Variants in CYTH3 observed in about 807,000 individuals in gnomAD.
CYTH3 encodes the protein cytohesin 3, also known as cytohesin-3.
Under a neutral mutation model 55.1 loss-of-function variants are expected in CYTH3, and 23 were observed. The observed-to-expected ratio is 0.42, with a 90% CI of 0.30 to 0.59. The LOEUF (loss-of-function observed/expected upper bound fraction) is 0.59. Ranked by LOEUF, CYTH3 falls within the 20% of genes least tolerant of loss-of-function variation. The pLI is 0.20. For missense variants in CYTH3, 413 were observed against 524.8 expected (o/e 0.79, Z 2.08); for synonymous variants, 249 against 194.9 (o/e 1.28, Z -2.31).
chr7:6,251,106 C>A (rs1779949866), intron 1 of CYTH3, among the ~76,000 whole-genome samples: 1 of 152,160 alleles, frequency 6.6e-6, no homozygotes, highest in African/African-American at 2.4e-5. Flanking sequence ...AAAACCCCAT[C>A]TCCACTAAAA....
At chr7:6,166,828 C>A (rs944360660) in intron 9 of CYTH3, among the ~76,000 whole-genome samples, 16 of 152,262 alleles carry the variant, frequency 1.1e-4, no homozygotes, top group Non-Finnish European at 1.5e-4. Flanking sequence ...GCCTGCAATG[C>A]GGTTGCCACC....
At position 6,221,704 on chromosome 7, in the gene CYTH3, T is replaced by TAA. The variant is rs11407292; in HGVS notation, c.35-31175_35-31174dup. Among the ~76,000 whole-genome samples the TAA allele has an allele frequency of 6.6e-3, 995 of 151,526 alleles. 9 individuals are homozygous for TAA. Among genetic ancestry groups the TAA allele is most frequent in the African/African-American group, 0.023 (937 of 41,286 alleles). On this transcript the variant is annotated intron_variant, in intron 1 of 12. Transcript: ENST00000350796. Reference sequence around the variant, plus strand: ...TCTACAAATTAGTTCAAAATGAAGTTAAAAAAAAATTAGGCCAGGCATGGT... The same window carrying TAA: ...TCTACAAATTAGTTCAAAATGAAGTTAAAAAAAAAAATTAGGCCAGGCATGGT...
At chr7:6,231,677 A>C (rs1206714059) in intron 1 of CYTH3, among the ~76,000 whole-genome samples, 3 of 152,238 alleles carry the variant, frequency 2.0e-5, no homozygotes, top group Non-Finnish European at 2.9e-5. Flanking sequence ...GCATTCTCTC[A>C]ATGCTGATTG....
At chr7:6,181,873 T>C (rs1481979470) in intron 4 of CYTH3, among the ~76,000 whole-genome samples, 1 of 152,210 alleles carries the variant, frequency 6.6e-6, no homozygotes, top group Non-Finnish European at 1.5e-5. Context: ...GCTCAAGTGA[T>C]GATGTGACAC....
chr7:6,233,060 C>T (rs1012028164), intron 1 of CYTH3, among the ~76,000 whole-genome samples: 35 of 152,114 alleles, frequency 2.3e-4, no homozygotes, highest in African/African-American at 8.4e-4. Context: ...CCTCTTTCTT[C>T]CCAAGCTCCT....
At chr7:6,188,657 G>T (rs1444342695) in intron 2 of CYTH3, 1 of 152,208 alleles carries the variant, frequency 6.6e-6, no homozygotes, top group African/African-American at 2.4e-5. Context: ...TGCATCCAAG[G>T]GGACAGACCC....
Position 6,170,886 on chromosome 7 carries a change from T to C in CYTH3, c.655A>G (p.Ile219Val). Residue 219 changes from isoleucine (I) to valine (V), a missense_variant, in exon 8 of 13, where the codon ATC (isoleucine) becomes GTC (valine). Ile to Val is a conservative substitution (Grantham distance 29). Around this residue, in one of 4 missense-constraint regions of CYTH3, gnomAD observed 156 missense variants for 233.1 expected, o/e 0.67. Coordinates refer to ENST00000350796, the MANE Select transcript of CYTH3 (RefSeq NM_004227.4). The surrounding 1 kb of genome is among the most constrained non-coding windows in gnomAD (Gnocchi z 7.8). ...TCGTTGATGCCGCGGTTCATGGCGATGAACCGTTCTGCCGTGGGCTTGTCA... is the reference window on the plus strand; with the variant it reads ...TCGTTGATGCCGCGGTTCATGGCGACGAACCGTTCTGCCGTGGGCTTGTCA... Reference protein sequence around the residue: ...VRDKPTAERFIAMNRGINEGG... With the variant: ...VRDKPTAERFVAMNRGINEGG... 1 of 1,613,868 alleles carries C rather than the reference T, an allele frequency of 6.2e-7. No homozygotes were observed. The highest frequency in any genetic ancestry group is 8.5e-7 in the Non-Finnish European group (1 of 1,179,870).
intron 1 of CYTH3, among the ~76,000 whole-genome samples, chr7:6,199,103 A>G (rs1784003365): frequency 6.6e-6 from 1 of 152,256 alleles, no homozygotes; most frequent in African/African-American, 2.4e-5. Flanking sequence ...CCATTTTAGT[A>G]AAAGGGTGCT....
At chr7:6,245,905 A>AT (rs1207394633) in intron 1 of CYTH3, among the ~76,000 whole-genome samples, 3 of 151,830 alleles carry the variant, frequency 2.0e-5, no homozygotes, top group Non-Finnish European at 4.4e-5. Context: ...ACTCTTTTTT[A>AT]TTTTTTTTGA....
At chr7:6,183,362 T>C (rs936202075) in intron 4 of CYTH3, among the ~76,000 whole-genome samples, 1 of 152,250 alleles carries the variant, frequency 6.6e-6, no homozygotes, top group African/African-American at 2.4e-5. Flanking sequence ...GTCCACTGAG[T>C]GGACCCCTGC....
chr7:6,265,821 T>C (rs779923285), intron 1 of CYTH3, among the ~76,000 whole-genome samples: 9 of 151,972 alleles, frequency 5.9e-5, no homozygotes, highest in Non-Finnish European at 8.8e-5. Context: ...GGGAGAACCA[T>C]GAGAAGGCTT....
intron 1 of CYTH3, among the ~76,000 whole-genome samples, chr7:6,253,304 G>A (rs1780018894): frequency 6.7e-6 from 1 of 149,756 alleles, no homozygotes; most frequent in Admixed American, 6.7e-5. Flanking sequence ...TGCAACCTCT[G>A]CCTCCTGGGT....
intron 5 of CYTH3, among the ~76,000 whole-genome samples, chr7:6,176,113 T>C (rs977817212): frequency 2.0e-5 from 3 of 152,122 alleles, no homozygotes; most frequent in African/African-American, 7.2e-5. Context: ...CAACAATGTT[T>C]TGTGGTTTTT....
intron 1 of CYTH3, among the ~76,000 whole-genome samples, chr7:6,222,753 A>C (rs1292365288): frequency 6.6e-6 from 1 of 151,836 alleles, no homozygotes; most frequent in Non-Finnish European, 1.5e-5. Context: ...TTTCAAAAAA[A>C]AAAAAACAAA....
rs140973585 is a variant in CYTH3, at chr7:6,163,116, G to A, written c.*1828C>T. On this transcript the variant is annotated 3_prime_UTR_variant, in exon 13 of 13. Transcript: ENST00000350796. ...AAAGCCTAAGAACGTGGGAATGAAA[G>A]TCTGATGCAGGACAGGGGTTTCTGG... 7 of 152,810 alleles carry A rather than the reference G, an allele frequency of 4.6e-5. No homozygotes were observed. In the East Asian group the frequency reaches 1.3e-3, roughly 29 times the overall value. The allele number at this position is 152,810 out of a possible 1,614,324, so 9.5% of individuals were successfully genotyped here. A position where few individuals can be genotyped will look rare whatever the true frequency, so the allele number is the denominator to read the frequency against.
chr7:6,269,715 C>T (rs964128795), intron 1 of CYTH3, among the ~76,000 whole-genome samples: 3 of 152,174 alleles, frequency 2.0e-5, no homozygotes, highest in African/African-American at 4.8e-5. Flanking sequence ...GCCCCCCACT[C>T]GCTCCTCTTG....
In CYTH3 at chr7:6,259,813, AAT is replaced by A. The variant is rs1207550144; in HGVS notation, c.34+12659_34+12660del. On this transcript the variant is annotated intron_variant, in intron 1 of 12. Transcript: ENST00000350796. The stretch of plus-strand genomic sequence containing the variant: ...TATATATATATATATATATATATAT[AAT>A]ATATATATATATATATATTTTTTTT... 2.3e-3 allele frequency among the ~76,000 whole-genome samples: 59 copies of A among 25,438 alleles called. 2 individuals are homozygous for A. Among genetic ancestry groups the A allele is most frequent in the East Asian group, 3.0e-3 (2 of 676 alleles). The allele number at this position is 25,438 out of a possible 152,430, so 16.7% of individuals were successfully genotyped here. A position where few individuals can be genotyped will look rare whatever the true frequency, so the allele number is the denominator to read the frequency against.
Position 6,243,784 on chromosome 7 carries a change from G to GTCTT in CYTH3, c.34+28689_34+28690insAAGA, listed in dbSNP as rs1460437846. 2.0e-5 allele frequency among the ~76,000 whole-genome samples: 3 copies of GTCTT among 152,176 alleles called. No homozygotes were observed. In the South Asian group the frequency reaches 6.2e-4, roughly 32 times the overall value. ...TATTTTAATATGACTATGTCTTAAA[G>GTCTT]TAACTAACACCAGGAGTGTGAGGAT... On this transcript the variant is annotated intron_variant, in intron 1 of 12. Transcript: ENST00000350796.
chr7:6,200,963 G>T (rs925507123), intron 1 of CYTH3, among the ~76,000 whole-genome samples: 1 of 152,120 alleles, frequency 6.6e-6, no homozygotes. Context: ...TCACTATGTT[G>T]TTGTCCAGGC....
Sources: allele counts gnomAD v4.1 joint callset (sites outside exome capture counted in the v4.1 genomes callset), GRCh38; gene constraint gnomAD v4.1.1; regional missense constraint gnomAD v4.1.1; non-coding constraint Gnocchi (gnomAD v3.1); transcripts MANE v1.5; gene names NCBI Gene and HGNC (gene_info 2026-07-23, HGNC 2026-07-21).